Variants in KIF1C observed in about 807,000 individuals in gnomAD.
The protein encoded by KIF1C is kinesin family member 1C, also known as kinesin-like protein KIF1C.
Under a neutral mutation model 126.5 loss-of-function variants are expected in KIF1C, and 61 were observed. That is an observed-to-expected ratio of 0.48 (90% CI 0.39 to 0.60). KIF1C has a LOEUF of 0.60. KIF1C is among the 20% of genes least tolerant of loss of function. The probability of loss-of-function intolerance (pLI) is 0.00; values close to 1 mark genes in which losing one functional copy is unlikely to be tolerated. For synonymous variants in KIF1C, 640 were observed against 580.6 expected (o/e 1.10, Z -1.47); for missense variants, 1,315 against 1,489.2 (o/e 0.88, Z 1.93).
rs1975130431 is a variant in KIF1C, at chr17:5,023,221, A to G, written c.2629-247A>G. Among the ~76,000 whole-genome samples the G allele has an allele frequency of 2.0e-5, 3 of 151,498 alleles. No homozygotes were observed. Among genetic ancestry groups the G allele is most frequent in the Admixed American group, 6.6e-5 (1 of 15,218 alleles). The stretch of plus-strand genomic sequence containing the variant: ...ATTTTAGTAGAGACGGGGTTTCACC[A>G]TGTTGGCCAGGATGGTCTTGATCTC... On this transcript the variant is annotated intron_variant, in intron 22 of 22. Transcript: ENST00000320785. This position sits in a 1 kb window ranked among gnomAD's most constrained non-coding sequence, Gnocchi z 4.2.
At chr17:5,019,819 C>T in intron 18 of KIF1C, 177 bp from the exon 19 acceptor site, 2 of 617,558 alleles carry the variant, frequency 3.2e-6, no homozygotes, top group Non-Finnish European at 5.9e-6. Context: ...CCTCCTTCTG[C>T]TCTTCCTTTC....
chr17:5,027,992 A>G lies in KIF1C; in HGVS notation c.*3841A>G, dbSNP rs1427957513. 1 of 152,120 alleles carries G rather than the reference A, an allele frequency of 6.6e-6. No individual in the cohort carries two copies. Among genetic ancestry groups the G allele is most frequent in the African/African-American group, 2.4e-5 (1 of 41,416 alleles). 9.4% of individuals were successfully genotyped at this position (152,120 alleles called of 1,614,324 possible). A position where few individuals can be genotyped will look rare whatever the true frequency, so the allele number is the denominator to read the frequency against. ...AATAAAAAGAACATCAGACATCACCATCACCTCGCTTAGAATCCATGGGGC... is the reference window on the plus strand; with the variant it reads ...AATAAAAAGAACATCAGACATCACCGTCACCTCGCTTAGAATCCATGGGGC... On this transcript the variant is annotated 3_prime_UTR_variant, in exon 23 of 23. Transcript: ENST00000320785.
At chr17:5,013,798 C>A in intron 17 of KIF1C, 66 bp downstream of exon 17, 1 of 1,249,864 alleles carries the variant, frequency 8.0e-7, no homozygotes, top group Non-Finnish European at 1.2e-6. Context: ...AAGGGTTGTC[C>A]ACATTGGTGT....
rs1975233691 is a variant in KIF1C at position 5,027,795 on chromosome 17, A to G, written c.*3644A>G. On this transcript the variant is annotated 3_prime_UTR_variant, in exon 23 of 23. Transcript: ENST00000320785. The stretch of plus-strand genomic sequence containing the variant: ...GGAGTTTGAGACCAGCCTGGGCAAC[A>G]TAACAAGACCCTGTCTCTACAAAAA... The G allele has an allele frequency of 6.6e-6, 1 of 152,166 alleles. No homozygotes were observed. Among genetic ancestry groups the G allele is most frequent in the Non-Finnish European group, 1.5e-5 (1 of 68,082 alleles). The allele number at this position is 152,166 out of a possible 1,614,324, so 9.4% of individuals were successfully genotyped here.
chr17:4,998,822 C>T (rs552065736), intron 1 of KIF1C, among the ~76,000 whole-genome samples: 2 of 152,298 alleles, frequency 1.3e-5, no homozygotes, highest in South Asian at 4.1e-4. Context: ...ATCCCTTATC[C>T]TTCGTGGTCC....
intron 2 of KIF1C, 57 bp from the exon 3 acceptor site, chr17:5,000,163 C>G (rs888202028): frequency 2.1e-6 from 2 of 946,704 alleles, no homozygotes; most frequent in East Asian, 5.3e-5. Context: ...AGCTGGGAGG[C>G]AATGTCTGGG....
In KIF1C at chr17:5,002,834, T is replaced by A. The variant is rs756742766; in HGVS notation, c.712T>A (p.Ser238Thr). 1 of 1,597,284 alleles carries A rather than the reference T, an allele frequency of 6.3e-7. No homozygotes were observed. The highest frequency in any genetic ancestry group is 8.6e-7 in the Non-Finnish European group (1 of 1,169,370). ...RCHDQLTGLD[S>T]EKVSKISLVD... ...CCATGACCAGCTCACGGGGCTGGAC[T>A]CGGAGAAGGTGGGATCGCCCCCCCC... Residue 238 changes from serine (S) to threonine (T), a missense_variant, in exon 8 of 23, where the codon TCG becomes ACG. By Grantham distance (58) the Ser-to-Thr change is moderately conservative (BLOSUM62 1). Around this residue, in one of 2 missense-constraint regions of KIF1C, gnomAD observed 874 missense variants for 1,053.2 expected, o/e 0.83. Coordinates refer to ENST00000320785, the MANE Select transcript of KIF1C (RefSeq NM_006612.6).
At position 5,020,932 on chromosome 17, in the gene KIF1C, T is replaced by C; in HGVS notation, c.2010+54T>C. ...CTGATGGGCAGATGAGCCGCAAGCC[T>C]GAGTCCGAGTGCAGTGCTCACCGCT... On this transcript the variant is annotated intron_variant, in intron 21 of 22. Transcript: ENST00000320785. This position sits in a 1 kb window ranked among gnomAD's most constrained non-coding sequence, Gnocchi z 5.8. The C allele has an allele frequency of 6.8e-7, 1 of 1,465,512 alleles. No individual in the cohort carries two copies. Among genetic ancestry groups the C allele is most frequent in the African/African-American group, 1.4e-5 (1 of 71,558 alleles). 90.8% of individuals were successfully genotyped at this position (1,465,512 alleles called of 1,614,324 possible).
chr17:5,000,217 C>T lies in KIF1C; in HGVS notation c.-27-3C>T. 1 of 1,494,494 alleles carries T rather than the reference C, an allele frequency of 6.7e-7. No individual in the cohort carries two copies. Among genetic ancestry groups the T allele is most frequent in the South Asian group, 1.2e-5 (1 of 82,932 alleles). The allele number at this position is 1,494,494 out of a possible 1,614,324, so 92.6% of individuals were successfully genotyped here. On this transcript the variant is annotated splice_region_variant and splice_polypyrimidine_tract_variant and intron_variant, in intron 2 of 22. Transcript: ENST00000320785. Reference sequence around the variant, plus strand: ...CCCCACCACTCCTTTCTCTGTCCTCCAGCTGAGGAGGGCAGGAGTGTCTGG... The same window carrying T: ...CCCCACCACTCCTTTCTCTGTCCTCTAGCTGAGGAGGGCAGGAGTGTCTGG...
Position 5,024,207 on chromosome 17 carries a change from C to A in KIF1C, c.*56C>A. 8.0e-7 allele frequency: 1 copy of A among 1,247,776 alleles called. No homozygotes were observed. Among genetic ancestry groups the A allele is most frequent in the Non-Finnish European group, 1.1e-6 (1 of 883,050 alleles). 77.3% of individuals were successfully genotyped at this position (1,247,776 alleles called of 1,614,324 possible). A position where few individuals can be genotyped will look rare whatever the true frequency, so the allele number is the denominator to read the frequency against. ...GGCCCCTTGCTAGGAGAAGGGAAGACGCCCGAGACGCTGCTTCCCCAGAAG... is the reference window on the plus strand; with the variant it reads ...GGCCCCTTGCTAGGAGAAGGGAAGAAGCCCGAGACGCTGCTTCCCCAGAAG... On this transcript the variant is annotated 3_prime_UTR_variant, in exon 23 of 23. Coordinates refer to ENST00000320785, the MANE Select transcript of KIF1C (RefSeq NM_006612.6).
Position 5,003,910 on chromosome 17 carries a change from A to G in KIF1C, c.858A>G (p.Ala286=), listed in dbSNP as rs752738688. The change falls in exon 10 of 23, where the codon GCA becomes GCG. Residue 286 remains alanine, a synonymous_variant. Transcript: ENST00000320785. ...TAGGGAAAGTGATCTCGGCCCTTGC[A>G]GATATGGTGAGACCTGGGTGTTGGA... ...TTLGKVISAL[A]DMQSKKRKSD... 2 of 1,613,694 alleles carry G rather than the reference A, an allele frequency of 1.2e-6. No homozygotes were observed. The highest frequency in any genetic ancestry group is 1.7e-6 in the Non-Finnish European group (2 of 1,179,746).
chr17:5,002,296 G>A (rs758479663), intron 6 of KIF1C, among the ~76,000 whole-genome samples, 168 bp from the exon 7 acceptor site: 4 of 152,138 alleles, frequency 2.6e-5, no homozygotes, highest in Non-Finnish European at 4.4e-5. Context: ...GCTGTTGATC[G>A]GACACACCTC....
chr17:5,023,366 AC>A lies in KIF1C; in HGVS notation c.2629-99del, dbSNP rs1379966924. 1.0e-6 allele frequency: 1 copy of A among 961,136 alleles called. No homozygotes were observed. Among genetic ancestry groups the A allele is most frequent in the Non-Finnish European group, 1.6e-6 (1 of 633,660 alleles). 59.5% of individuals were successfully genotyped at this position (961,136 alleles called of 1,614,324 possible). A position where few individuals can be genotyped will look rare whatever the true frequency, so the allele number is the denominator to read the frequency against. On this transcript the variant is annotated intron_variant, in intron 22 of 22. Transcript: ENST00000320785. The surrounding 1 kb of genome is among the most constrained non-coding windows in gnomAD (Gnocchi z 4.2). The stretch of plus-strand genomic sequence containing the variant: ...TCCTTATCTCTAGGCTTTTCTCTGG[AC>A]CCTTTGACATCCAGCCACTCCAGGT...
At chr17:5,012,530 AGGAGGCCCAGGGATGCCAGG>A (rs1974889116) in intron 16 of KIF1C, among the ~76,000 whole-genome samples, 1 of 151,930 alleles carries the variant, frequency 6.6e-6, no homozygotes, top group Non-Finnish European at 1.5e-5. Flanking sequence ...CGGGACATGG[AGGAGGCCCAGGGATGCCAGG>A]GGAAAAAGTA....
At chr17:5,009,430 G>A (rs891660223) in intron 16 of KIF1C, among the ~76,000 whole-genome samples, 2 of 151,846 alleles carry the variant, frequency 1.3e-5, no homozygotes, top group African/African-American at 2.4e-5. Flanking sequence ...CACCCACTTC[G>A]GAGTCCCAAA....
intron 16 of KIF1C, among the ~76,000 whole-genome samples, chr17:5,010,568 G>C (rs547263053): frequency 1.3e-5 from 2 of 151,718 alleles, no homozygotes; most frequent in Non-Finnish European, 2.9e-5. Flanking sequence ...CTAACAAGGT[G>C]AAACCCCATC....
At chr17:5,005,573 G>A (rs1054084340) in intron 13 of KIF1C, among the ~76,000 whole-genome samples, 4 of 152,180 alleles carry the variant, frequency 2.6e-5, no homozygotes, top group African/African-American at 9.7e-5. Flanking sequence ...TTCTTGGAAA[G>A]AGAAGGATAA....
intron 21 of KIF1C, 127 bp downstream of exon 21, chr17:5,021,005 G>C: frequency 1.3e-6 from 1 of 768,628 alleles, no homozygotes; most frequent in South Asian, 1.6e-5. Flanking sequence ...GGGTCCAAGA[G>C]GAAAAAGCCA....
chr17:5,022,610 T>C lies in KIF1C; in HGVS notation c.2529T>C (p.Ile843=). 1 of 1,607,302 alleles carries C rather than the reference T, an allele frequency of 6.2e-7. No individual in the cohort carries two copies. Among genetic ancestry groups the C allele is most frequent in the Non-Finnish European group, 8.5e-7 (1 of 1,176,542 alleles). The change falls in exon 22 of 23, where the codon ATT becomes ATC. Residue 843 remains isoleucine, a synonymous_variant. Coordinates refer to ENST00000320785, the MANE Select transcript of KIF1C (RefSeq NM_006612.6). This position sits in a 1 kb window ranked among gnomAD's most constrained non-coding sequence, Gnocchi z 4.9. ...CCCACATCGACAAGCTGACGGGGAT[T>C]CTGCAGGAGGTGAAGCTGCAGAACA... The part of the protein sequence containing the change: ...LRAHIDKLTG[I]LQEVKLQNSS...
Sources: allele counts gnomAD v4.1 joint callset (sites outside exome capture counted in the v4.1 genomes callset), GRCh38; gene constraint gnomAD v4.1.1; regional missense constraint gnomAD v4.1.1; non-coding constraint Gnocchi (gnomAD v3.1); transcripts MANE v1.5; gene names NCBI Gene and HGNC (gene_info 2026-07-23, HGNC 2026-07-21).